PPAT: variants seen among roughly 807,000 people sequenced by gnomAD.
PPAT encodes the protein phosphoribosyl pyrophosphate amidotransferase, also known as amidophosphoribosyltransferase.
A neutral mutation model predicts 60.2 loss-of-function variants in PPAT; 20 were observed. The observed-to-expected ratio is 0.33, with a 90% CI of 0.23 to 0.48. PPAT has a LOEUF of 0.48. Among genes scored for constraint, PPAT ranks in the 20% least tolerant of loss-of-function variants. PPAT has a pLI of 0.99. For missense variants in PPAT, 349 were observed against 629.6 expected (o/e 0.55, Z 4.77); for synonymous variants, 194 against 215.1 (o/e 0.90, Z 0.86).
rs566785506 is a variant in PPAT, at chr4:56,415,312, C to T, written c.129-7596G>A. On this transcript the variant is annotated intron_variant, in intron 1 of 10. Transcript: ENST00000264220. The stretch of plus-strand genomic sequence containing the variant: ...AATCAAAAGATACTTATCCGCCTCC[C>T]AATTAGTCTGCAATTTCATGTAATT... 4.6e-4 allele frequency among the ~76,000 whole-genome samples: 70 copies of T among 152,296 alleles called. 1 individual carries two copies. The South Asian group carries it at 0.014, about 31-fold the overall frequency.
chr4:56,400,973 TA>T (rs936640599), intron 7 of PPAT, 62 bp from the exon 8 acceptor site: 2 of 1,469,944 alleles, frequency 1.4e-6, no homozygotes, highest in Admixed American at 1.9e-5. Flanking sequence ...AGTGTTATTC[TA>T]AAAAACTAGT....
intron 8 of PPAT, chr4:56,399,603 GTT>G: frequency 2.1e-6 from 1 of 475,668 alleles, no homozygotes; most frequent in South Asian, 3.7e-5. Context: ...GACTCATAAT[GTT>G]TTTGTCTTAA....
Position 56,401,478 on chromosome 4 carries a change from A to G in PPAT, c.738T>C (p.Tyr246=), listed in dbSNP as rs768077442. 32 of 1,589,948 alleles carry G rather than the reference A, an allele frequency of 2.0e-5. No homozygotes were observed. In the Admixed American group the frequency reaches 3.6e-4, roughly 18 times the overall value. The change falls in exon 7 of 11, where the codon TAT becomes TAC. Residue 246 remains tyrosine, a synonymous_variant. Coordinates refer to ENST00000264220, the MANE Select transcript of PPAT (RefSeq NM_002703.5). ...TTTCTCCAGGCAAGACTTCACGGTA[A>G]TATCTTGGGAAACAATGTTAAAGAA... The part of the protein sequence containing the change: ...SCSFLSIGAR[Y]YREVLPGEIV...
At position 56,407,634 on chromosome 4, in the gene PPAT, T is replaced by TA. The variant is rs1374549295; in HGVS notation, c.195+15dup. ...CACTTGGTCTGTCATCAACATTTCTTAAAGTTCAAATTTACCTTGTGTGAT... is the reference window on the plus strand; with the variant it reads ...CACTTGGTCTGTCATCAACATTTCTTAAAAGTTCAAATTTACCTTGTGTGAT... On this transcript the variant is annotated intron_variant, in intron 2 of 10. Transcript: ENST00000264220. 3 of 1,584,030 alleles carry TA rather than the reference T, an allele frequency of 1.9e-6. No homozygotes were observed. Among genetic ancestry groups the TA allele is most frequent in the Non-Finnish European group, 2.6e-6 (3 of 1,152,352 alleles).
At chr4:56,434,238 G>T (rs1560652957) in intron 1 of PPAT, among the ~76,000 whole-genome samples, 2 of 152,168 alleles carry the variant, frequency 1.3e-5, no homozygotes, top group South Asian at 2.1e-4. Context: ...AACTGAAATT[G>T]AAGTACCTGG....
chr4:56,399,472 T>C lies in PPAT; in HGVS notation c.1015-72A>G, dbSNP rs1172926610. ...AGGCAAATATTTTCTCTAGGTTGTG[T>C]TGCCGCCACAATATTCAAGTAAAAT... is the stretch of plus-strand genomic sequence containing the variant. On this transcript the variant is annotated intron_variant, in intron 8 of 10. Transcript: ENST00000264220. 2.6e-6 allele frequency: 3 copies of C among 1,144,176 alleles called. No individual in the cohort carries two copies. In the South Asian group the frequency reaches 5.0e-5, roughly 19 times the overall value. 70.9% of individuals were successfully genotyped at this position (1,144,176 alleles called of 1,614,324 possible).
chr4:56,413,660 T>C (rs1029166326), intron 1 of PPAT, among the ~76,000 whole-genome samples: 2 of 151,580 alleles, frequency 1.3e-5, no homozygotes, highest in African/African-American at 2.4e-5. Flanking sequence ...CTTTGGGAGG[T>C]TGAGGCAGGT....
At chr4:56,420,639 G>C (rs1452613630) in intron 1 of PPAT, 1 of 152,118 alleles carries the variant, frequency 6.6e-6, no homozygotes, top group East Asian at 1.9e-4. Context: ...TTTTAATAAA[G>C]CAAATATGCA....
intron 1 of PPAT, among the ~76,000 whole-genome samples, chr4:56,431,031 C>A (rs566322175): frequency 6.6e-6 from 1 of 151,998 alleles, no homozygotes; most frequent in South Asian, 2.1e-4. Flanking sequence ...ATTGAAAACA[C>A]TTATTTTAAA....
chr4:56,412,775 A>G (rs1423876547), intron 1 of PPAT, among the ~76,000 whole-genome samples: 1 of 152,134 alleles, frequency 6.6e-6, no homozygotes, highest in Non-Finnish European at 1.5e-5. Context: ...GAACTTCATC[A>G]TGTCTCATAT....
At chr4:56,419,669 A>G (rs1716943521) in intron 1 of PPAT, 1 of 983,816 alleles carries the variant, frequency 1.0e-6, no homozygotes, top group South Asian at 4.7e-5. Flanking sequence ...TCCCAACTGT[A>G]GCAAATGAAG....
rs747379632 is a variant in PPAT, at chr4:56,403,306, G to A, written c.498C>T (p.Thr166=). 4 of 1,613,136 alleles carry A rather than the reference G, an allele frequency of 2.5e-6. No individual in the cohort carries two copies. Among genetic ancestry groups the A allele is most frequent in the Non-Finnish European group, 2.5e-6 (3 of 1,179,168 alleles). Residue 166 remains threonine (T), a synonymous_variant, in exon 4 of 11, where the codon ACC becomes ACT. Coordinates refer to ENST00000264220, the MANE Select transcript of PPAT (RefSeq NM_002703.5). ...AYTPPQEQDD[T]PDWVARIKNL... is the part of the protein sequence containing the mutation. ...CTGCTTACCTGGCTACCCAGTCTGG[G>A]GTGTCATCTTGTTCCTGAGGAGGGG...
At chr4:56,409,127 A>G (rs1054819886) in intron 1 of PPAT, among the ~76,000 whole-genome samples, 4 of 152,328 alleles carry the variant, frequency 2.6e-5, no homozygotes, top group South Asian at 2.1e-4. Context: ...GCGTGATATA[A>G]TTTGGTTTTC....
At chr4:56,410,899 TAAAAAAAAAAAAA>T (rs35668849) in intron 1 of PPAT, 429 of 678,048 alleles carry the variant, frequency 6.3e-4, no homozygotes, top group African/African-American at 3.0e-3. Flanking sequence ...CCACTGAAGG[TAAAAAAAAAAAAA>T]AAAAAAAAAA....
intron 3 of PPAT, 95 bp downstream of exon 3, chr4:56,406,400 T>C: frequency 1.5e-6 from 2 of 1,318,026 alleles, no homozygotes; most frequent in South Asian, 2.5e-5. Flanking sequence ...GTAGCAACAA[T>C]TAGAAAATGC....
chr4:56,402,172 G>A lies in PPAT; in HGVS notation c.671C>T (p.Thr224Ile), dbSNP rs558853131. The change falls in exon 6 of 11, where the codon ACA becomes ATA. Residue 224 changes from threonine (T) to isoleucine (I), a missense_variant. By Grantham distance (89) the Thr-to-Ile change is moderately conservative. Around this residue, in one of 5 missense-constraint regions of PPAT, gnomAD observed 63 missense variants for 86.9 expected, o/e 0.73. Transcript: ENST00000264220. ...CACCACCCATCCTTCTGTTTCTGATGTTTTTTTCTCTGTAAATCACAAATC... is the reference window on the plus strand; with the variant it reads ...CACCACCCATCCTTCTGTTTCTGATATTTTTTTCTCTGTAAATCACAAATC... ...VSDINDKEKK[T>I]SETEGWVVSS... 1.2e-6 allele frequency: 2 copies of A among 1,604,220 alleles called. No individual in the cohort carries two copies. The highest frequency in any genetic ancestry group is 1.3e-5 in the African/African-American group (1 of 74,728).
chr4:56,424,039 G>GT (rs1370347184), intron 1 of PPAT, among the ~76,000 whole-genome samples: 1 of 152,150 alleles, frequency 6.6e-6, no homozygotes, highest in African/African-American at 2.4e-5. Context: ...GTATTTACAT[G>GT]TAAAAACAGA....
chr4:56,393,909 C>T lies in PPAT; in HGVS notation c.*1443G>A, dbSNP rs1715888962. 1 of 152,216 alleles carries T rather than the reference C, an allele frequency of 6.6e-6. No individual in the cohort carries two copies. The allele number at this position is 152,216 out of a possible 1,614,324, so 9.4% of individuals were successfully genotyped here. A position where few individuals can be genotyped will look rare whatever the true frequency, so the allele number is the denominator to read the frequency against. The stretch of plus-strand genomic sequence containing the variant: ...CACTGCCACAGGGTTATCTGACCCA[C>T]TGCTGCATGTGGGCTTAAAGAGCTG... On this transcript the variant is annotated 3_prime_UTR_variant, in exon 11 of 11. Transcript: ENST00000264220.
chr4:56,407,376 T>C (rs1716268169), intron 2 of PPAT, among the ~76,000 whole-genome samples: 1 of 151,876 alleles, frequency 6.6e-6, no homozygotes, highest in South Asian at 2.1e-4. Flanking sequence ...TGGAGTACAA[T>C]GGCGCAATAT....
Sources: allele counts gnomAD v4.1 joint callset (sites outside exome capture counted in the v4.1 genomes callset), GRCh38; gene constraint gnomAD v4.1.1; regional missense constraint gnomAD v4.1.1; transcripts MANE v1.5; gene names NCBI Gene and HGNC (gene_info 2026-07-23, HGNC 2026-07-21).